TEX11: variants seen among roughly 807,000 people sequenced by gnomAD.
TEX11 encodes testis expressed 11, also known as testis-expressed protein 11.
A neutral mutation model predicts 84.4 loss-of-function variants in TEX11; 7 were observed. The observed-to-expected ratio is 0.08, with a 90% CI of 0.05 to 0.16. TEX11 has a LOEUF of 0.16. Ranked by LOEUF, TEX11 falls within the 10% of genes least tolerant of loss-of-function variation. The probability of loss-of-function intolerance (pLI) is 1.00; values close to 1 mark genes in which losing one functional copy is unlikely to be tolerated. For synonymous variants in TEX11, 264 were observed against 222.8 expected (o/e 1.18, Z -1.64); for missense variants, 551 against 660.5 (o/e 0.83, Z 1.82).
chrX:70,580,180 T>C (rs746825247), intron 25 of TEX11, among the ~76,000 whole-genome samples: 1 of 112,305 alleles, frequency 8.9e-6, no homozygotes, highest in South Asian at 3.7e-4. Flanking sequence ...GAGGTCATTA[T>C]GTTAAGTGAA....
chrX:70,691,436 A>G (rs1212475225), intron 13 of TEX11, among the ~76,000 whole-genome samples: 2 of 112,026 alleles, frequency 1.8e-5, no homozygotes, highest in African/African-American at 3.2e-5. Flanking sequence ...AGATGAATGG[A>G]TAAGTAAAAT....
intron 9 of TEX11, among the ~76,000 whole-genome samples, chrX:70,747,466 A>G (rs1431701758): frequency 8.9e-6 from 1 of 112,525 alleles, no homozygotes; most frequent in Non-Finnish European, 1.9e-5. Context: ...GAAAGAGGAG[A>G]AACTGTATCT....
intron 15 of TEX11, chrX:70,673,196 TGCA>T (rs764976712): frequency 4.5e-5 from 5 of 112,070 alleles, no homozygotes; most frequent in Non-Finnish European, 7.5e-5. Flanking sequence ...CACAGCTCAC[TGCA>T]GCCTTAAACT....
chrX:70,627,199 A>G (rs904946266), intron 18 of TEX11, among the ~76,000 whole-genome samples: 12 of 112,358 alleles, frequency 1.1e-4, no homozygotes, highest in Admixed American at 1.9e-4. Context: ...CAGTAAATAT[A>G]GGCAAATCTT....
chrX:70,892,315 A>G (rs1342318138), intron 2 of TEX11, among the ~76,000 whole-genome samples: 2 of 111,981 alleles, frequency 1.8e-5, no homozygotes, highest in African/African-American at 6.5e-5. Flanking sequence ...TATAAAGACC[A>G]ACAACACTAT....
chrX:70,766,239 C>T (rs886955816), intron 9 of TEX11, among the ~76,000 whole-genome samples: 3 of 110,264 alleles, frequency 2.7e-5, no homozygotes, highest in African/African-American at 9.9e-5. Context: ...TGGTGAAACC[C>T]TGGCTCTACT....
chrX:70,608,223 C>G (rs1485006624), intron 22 of TEX11, among the ~76,000 whole-genome samples: 2 of 112,239 alleles, frequency 1.8e-5, no homozygotes, highest in East Asian at 5.6e-4. Context: ...ACCAGAAACC[C>G]TGAAGCTCCT....
intron 13 of TEX11, among the ~76,000 whole-genome samples, chrX:70,714,675 C>A (rs771675072): frequency 9.0e-6 from 1 of 111,380 alleles, no homozygotes; most frequent in African/African-American, 3.3e-5. Flanking sequence ...TTATTTTGAG[C>A]CTATGTGTGT....
At chrX:70,723,482 G>A (rs1279491035) in intron 12 of TEX11, among the ~76,000 whole-genome samples, 5 of 111,679 alleles carry the variant, frequency 4.5e-5, no homozygotes, top group Non-Finnish European at 7.5e-5. Flanking sequence ...TTACAATTCT[G>A]TAATAAAAGC....
chrX:70,577,019 G>T (rs1006020360), intron 25 of TEX11, among the ~76,000 whole-genome samples: 1 of 111,591 alleles, frequency 9.0e-6, no homozygotes, highest in African/African-American at 3.3e-5. Flanking sequence ...GCCCATAGCT[G>T]CCTATATCCA....
chrX:70,583,250 C>T (rs2088805111), intron 25 of TEX11, among the ~76,000 whole-genome samples: 1 of 110,829 alleles, frequency 9.0e-6, no homozygotes, highest in South Asian at 3.8e-4. Context: ...ATCCTTTAAC[C>T]CCCTCCCACC....
intron 9 of TEX11, among the ~76,000 whole-genome samples, chrX:70,750,306 C>T (rs776168947): frequency 4.5e-4 from 50 of 111,361 alleles, no homozygotes; most frequent in African/African-American, 1.2e-3. Context: ...GAAATAGGAA[C>T]GCTTCTACAC....
chrX:70,592,899 T>C (rs1034442057), intron 24 of TEX11, among the ~76,000 whole-genome samples: 2 of 110,467 alleles, frequency 1.8e-5, no homozygotes, highest in Admixed American at 9.7e-5. Context: ...TAAGAGGAGA[T>C]TGATAGCTCA....
At chrX:70,523,586 C>T in the TEX11 span, among the ~76,000 whole-genome samples, 1 of 110,406 alleles carries the variant, frequency 9.1e-6, no homozygotes, top group African/African-American at 3.3e-5. Flanking sequence ...GCCTCAGCCT[C>T]CCGAGTAGCT....
chrX:70,569,195 C>T (rs1312348151), intron 25 of TEX11, among the ~76,000 whole-genome samples: 1 of 112,179 alleles, frequency 8.9e-6, no homozygotes, highest in Admixed American at 9.5e-5. Context: ...CAGTTGATCG[C>T]ATCGGCTCCT....
At chrX:70,710,495 T>C (rs1027833397) in intron 13 of TEX11, among the ~76,000 whole-genome samples, 9 of 110,512 alleles carry the variant, frequency 8.1e-5, no homozygotes, top group Non-Finnish European at 1.5e-4. Context: ...CTTTCAGGAA[T>C]TACGGATAAA....
intron 18 of TEX11, 109 bp downstream of exon 18, chrX:70,629,502 A>G (rs1298620048): frequency 2.1e-6 from 2 of 948,531 alleles, no homozygotes; most frequent in African/African-American, 2.0e-5. Context: ...AATATGAGGC[A>G]AAACAAACAG....
chrX:70,896,621 A>G (rs1569462830), intron 2 of TEX11, among the ~76,000 whole-genome samples: 1 of 111,455 alleles, frequency 9.0e-6, no homozygotes, highest in Non-Finnish European at 1.9e-5. Context: ...AACCAACCCA[A>G]ACGCCCATCA....
At chrX:70,641,167 A>C (rs1034646309) in intron 17 of TEX11, among the ~76,000 whole-genome samples, 5 of 111,549 alleles carry the variant, frequency 4.5e-5, no homozygotes, top group African/African-American at 1.6e-4. Context: ...AAAAGAGACA[A>C]AGAAGGCCAT....
Sources: allele counts gnomAD v4.1 joint callset (sites outside exome capture counted in the v4.1 genomes callset), GRCh38; gene constraint gnomAD v4.1.1; transcripts MANE v1.5; gene names NCBI Gene and HGNC (gene_info 2026-07-23, HGNC 2026-07-21).